The following HOOK2 variants were observed in gnomAD, a reference collection of about 807,000 sequenced individuals.
The protein encoded by HOOK2 is protein Hook homolog 2.
HOOK2 carries 108 observed loss-of-function variants against 111.9 expected under a neutral mutation model. The ratio of observed to expected loss-of-function variants is 0.96; its 90% CI spans 0.83 to 1.13. The LOEUF (loss-of-function observed/expected upper bound fraction) is 1.13. Ranked by LOEUF, HOOK2 falls within the 50% of genes most tolerant of loss-of-function variation. HOOK2 has a pLI of 0.00. For missense variants in HOOK2, 978 were observed against 951.3 expected (o/e 1.03, Z -0.37); for synonymous variants, 405 against 394.3 (o/e 1.03, Z -0.32).
Position 12,774,822 on chromosome 19 carries a change from G to GCTCCACT in HOOK2, c.120_121insAGTGGAG (p.Leu41SerfsTer122). 1 of 1,614,166 alleles carries GCTCCACT rather than the reference G, an allele frequency of 6.2e-7. No individual in the cohort carries two copies. Among genetic ancestry groups the GCTCCACT allele is most frequent in the East Asian group, 2.2e-5 (1 of 44,894 alleles). The stretch of plus-strand genomic sequence containing the variant: ...TTCAGCTCCACTCACATCTGGTTCA[G>GCTCCACT]CACATAGGCTACGGCAAGGCCGCTG... On this transcript the variant is annotated frameshift_variant, in exon 2 of 23. Coordinates refer to ENST00000397668, the MANE Select transcript of HOOK2 (RefSeq NM_013312.3). LOFTEE classifies it high-confidence loss of function.
At position 12,764,989 on chromosome 19, in the gene HOOK2, T is replaced by A. The variant is rs1351062533; in HGVS notation, c.1723+10A>T. 1.2e-5 allele frequency: 19 copies of A among 1,613,958 alleles called. No homozygotes were observed. The highest frequency in any genetic ancestry group is 1.5e-5 in the Non-Finnish European group (18 of 1,179,958). On this transcript the variant is annotated intron_variant, in intron 19 of 22. Transcript: ENST00000397668. ...ATCTCCCCACCCTCTGGTCACTAGG[T>A]CCTACTTACTGCTGCTGTCAGTGGG...
At chr19:12,771,883 A>C in intron 7 of HOOK2, 1 of 187,486 alleles carries the variant, frequency 5.3e-6, no homozygotes. Context: ...CTCCATCTCA[A>C]AAAAAAAAAA....
At chr19:12,778,657 C>T (rs1383402620), upstream of HOOK2, among the ~76,000 whole-genome samples, 3 of 152,198 alleles carry the variant, frequency 2.0e-5, no homozygotes, top group Non-Finnish European at 2.9e-5. Flanking sequence ...CTGAGATCAC[C>T]ACATTAGGGC....
chr19:12,785,066 C>T (rs1260504795), intron 3 of HOOK2: 1 of 152,576 alleles, frequency 6.6e-6, no homozygotes, highest in African/African-American at 2.4e-5. Flanking sequence ...CAGTCACACC[C>T]AGTGCAGAGA....
Position 12,791,861 on chromosome 19 carries a change from C to T in HOOK2, n.42-17636G>A. 1 of 1,613,632 alleles carries T rather than the reference C, an allele frequency of 6.2e-7. No individual in the cohort carries two copies. The highest frequency in any genetic ancestry group is 1.1e-5 in the South Asian group (1 of 91,076). On this transcript the variant is annotated intron_variant and non_coding_transcript_variant, in intron 3 of 3. Coordinates refer to the HOOK2 transcript ENST00000589765. The surrounding 1 kb of genome is among the most constrained non-coding windows in gnomAD (Gnocchi z 7.0). ...GGGCCCCTGGTGGCCTCTCTCTACA[C>T]GACTACAAACTCCTGAAACCGAGCC...
chr19:12,771,962 C>A, intron 7 of HOOK2: 1 of 531,918 alleles, frequency 1.9e-6, no homozygotes, highest in Non-Finnish European at 3.3e-6. Flanking sequence ...GATTCCAGAA[C>A]ACTGGAGACC....
intron 11 of HOOK2, among the ~76,000 whole-genome samples, chr19:12,768,551 G>C (rs1384463380): frequency 2.0e-5 from 3 of 152,150 alleles, no homozygotes; most frequent in Admixed American, 6.5e-5. Flanking sequence ...TAAGTTTTCT[G>C]AGCATGTTTA....
rs1277296741 is a variant in HOOK2 at position 12,768,013 on chromosome 19, C to T, written c.1215G>A (p.Glu405=). ...TTGGGCAGTGGAACCTCAGCCTCAC[C>T]TCCTTCTCCTTTGTCACCGACTCAT... The part of the protein sequence containing the change: ...EKYESVTKEK[E]RLLAERDSLR... The change falls in exon 12 of 23, where the codon GAG becomes GAA. Residue 405 remains glutamate (E), a splice_region_variant and synonymous_variant. Transcript: ENST00000397668. 3.1e-6 allele frequency: 5 copies of T among 1,613,934 alleles called. No homozygotes were observed. Among genetic ancestry groups the T allele is most frequent in the Non-Finnish European group, 8.5e-7 (1 of 1,179,884 alleles).
Position 12,788,033 on chromosome 19 carries a change from C to T in HOOK2, n.42-13808G>A, listed in dbSNP as rs546282744. Among the ~76,000 whole-genome samples the T allele has an allele frequency of 1.6e-3, 246 of 152,228 alleles. 2 individuals are homozygous for T. In the Middle Eastern group the frequency reaches 0.024, roughly 15 times the overall value. On this transcript the variant is annotated intron_variant and non_coding_transcript_variant, in intron 3 of 3. Coordinates refer to the HOOK2 transcript ENST00000589765. ...TCATGCCATTGCACTCCAGCCTGGG[C>T]GACAGAGCAAGACTCCATCTCAAAA...
At position 12,786,879 on chromosome 19, in the gene HOOK2, G is replaced by A. The variant is rs1175325844; in HGVS notation, n.42-12654C>T. On this transcript the variant is annotated intron_variant and non_coding_transcript_variant, in intron 3 of 3. Coordinates refer to the HOOK2 transcript ENST00000589765. This position sits in a 1 kb window ranked among gnomAD's most constrained non-coding sequence, Gnocchi z 4.3. ...CCACATTTCTCCCCCAATTAAAGGA[G>A]ACCCTCAGTGGGGTGCGGTGGCTCA... is the stretch of plus-strand genomic sequence containing the variant. Among the ~76,000 whole-genome samples the A allele has an allele frequency of 6.6e-6, 1 of 152,200 alleles. No individual in the cohort carries two copies. Among genetic ancestry groups the A allele is most frequent in the East Asian group, 1.9e-4 (1 of 5,194 alleles).
rs1238353686 is a variant in HOOK2, at chr19:12,765,921, ACT to A, written c.1599+4_1599+5del. ...GCCAGGCTGGGAGGTGGTGGGTGAC[ACT>A]CACATCTTCAGTCTTGCCCCCCTGC... On this transcript the variant is annotated splice_donor_5th_base_variant and intron_variant, in intron 16 of 22. Coordinates refer to ENST00000397668, the MANE Select transcript of HOOK2 (RefSeq NM_013312.3). 1 of 1,613,536 alleles carries A rather than the reference ACT, an allele frequency of 6.2e-7. No individual in the cohort carries two copies. Among genetic ancestry groups the A allele is most frequent in the Non-Finnish European group, 8.5e-7 (1 of 1,179,724 alleles).
Position 12,775,502 on chromosome 19 carries a change from T to G in HOOK2, c.-53A>C, listed in dbSNP as rs939958167. 4.4e-6 allele frequency: 7 copies of G among 1,576,548 alleles called. No homozygotes were observed. The African/African-American group carries it at 8.3e-5, about 19-fold the overall frequency. ...ACGGAGCCCCGGCGCCGCAGCAGCC[T>G]CCGGGTCCGCCACCAGCGAGCGCCC... On this transcript the variant is annotated 5_prime_UTR_variant, in exon 1 of 23. Coordinates refer to ENST00000397668, the MANE Select transcript of HOOK2 (RefSeq NM_013312.3).
intron 3 of HOOK2, among the ~76,000 whole-genome samples, chr19:12,789,731 G>A (rs1599522082): frequency 6.6e-6 from 1 of 151,434 alleles, no homozygotes. Context: ...TGCCGGGCTG[G>A]GTTGGGCCAG....
At chr19:12,775,217 A>G in intron 1 of HOOK2, 188 bp downstream of exon 1, 1 of 985,186 alleles carries the variant, frequency 1.0e-6, no homozygotes, top group African/African-American at 1.7e-5. Flanking sequence ...GCGGGGCCTC[A>G]CCTGTCCTTT....
chr19:12,788,153 C>T (rs2145800951), intron 3 of HOOK2, among the ~76,000 whole-genome samples: 1 of 152,338 alleles, frequency 6.6e-6, no homozygotes, highest in South Asian at 2.1e-4. Flanking sequence ...CTCTGGTTGT[C>T]ATTATTCACA....
chr19:12,772,730 AAGG>A (rs1968373465), intron 5 of HOOK2, 47 bp downstream of exon 5: 1 of 1,612,240 alleles, frequency 6.2e-7, no homozygotes, highest in Admixed American at 1.7e-5. Flanking sequence ...GGTGGGGAGG[AAGG>A]AGGATTTCCT....
chr19:12,775,561 G>T (rs1211973799), upstream of HOOK2: 4 of 1,008,958 alleles, frequency 4.0e-6, no homozygotes, highest in South Asian at 4.9e-5. Flanking sequence ...CTAGAGCGCC[G>T]CCCCGCCCCG....
Position 12,791,915 on chromosome 19 carries a change from G to C in HOOK2, n.42-17690C>G. 1 of 1,613,178 alleles carries C rather than the reference G, an allele frequency of 6.2e-7. No individual in the cohort carries two copies. The highest frequency in any genetic ancestry group is 8.5e-7 in the Non-Finnish European group (1 of 1,179,868). On this transcript the variant is annotated intron_variant and non_coding_transcript_variant, in intron 3 of 3. Coordinates refer to the HOOK2 transcript ENST00000589765. This position sits in a 1 kb window ranked among gnomAD's most constrained non-coding sequence, Gnocchi z 7.0. Reference sequence around the variant, plus strand: ...CGGTCAACCTGGCCGACCCCTACCGGAGTCTCAAAGCGCCTGGGGCTCGCG... The same window carrying C: ...CGGTCAACCTGGCCGACCCCTACCGCAGTCTCAAAGCGCCTGGGGCTCGCG...
At chr19:12,773,100 T>TA in intron 3 of HOOK2, 56 bp from the exon 4 acceptor site, 1 of 1,534,008 alleles carries the variant, frequency 6.5e-7, no homozygotes, top group South Asian at 1.1e-5. Flanking sequence ...TCTGAATCTG[T>TA]AGGTCCCATC....
Sources: gnomAD v4.1 joint callset for allele counts (sites outside exome capture counted in the v4.1 genomes callset) on GRCh38, gnomAD v4.1.1 for gene constraint, Gnocchi (gnomAD v3.1) non-coding constraint, MANE v1.5 for transcripts, NCBI Gene and HGNC (gene_info 2026-07-23, HGNC 2026-07-21) for gene names.